Variants in ST7 observed in about 807,000 individuals in gnomAD.
ST7 encodes suppression of tumorigenicity 7.
In ST7, 28 loss-of-function variants were observed where a neutral mutation model predicts 78.7. The observed-to-expected ratio is 0.36, with a 90% CI of 0.26 to 0.49. The LOEUF (loss-of-function observed/expected upper bound fraction) is 0.49. Ranked by LOEUF, ST7 falls within the 20% of genes least tolerant of loss-of-function variation. The probability of loss-of-function intolerance (pLI) is 0.99; values close to 1 mark genes in which losing one functional copy is unlikely to be tolerated. For synonymous variants in ST7, 247 were observed against 249.6 expected, an observed-to-expected ratio of 0.99 and a Z score of 0.10; for missense variants, 418 against 696.0, an observed-to-expected ratio of 0.60 and a Z score of 4.49.
intron 1 of ST7, among the ~76,000 whole-genome samples, chr7:117,057,698 T>C (rs1406184534): frequency 6.6e-6 from 1 of 152,158 alleles, no homozygotes; most frequent in Non-Finnish European, 1.5e-5. Context: ...GAAACTTCTT[T>C]ATTGGGACTT....
At chr7:116,997,993 C>T (rs546348055) in intron 1 of ST7, among the ~76,000 whole-genome samples, 2 of 152,328 alleles carry the variant, frequency 1.3e-5, no homozygotes, top group East Asian at 1.9e-4. Flanking sequence ...TGCCGTGTGC[C>T]CTCGCTCCTC....
rs897617203 is a variant in ST7, at chr7:117,115,416, G to T, written c.235-4145G>T. 6.2e-5 allele frequency among the ~76,000 whole-genome samples: 9 copies of T among 144,116 alleles called. No individual in the cohort carries two copies. The Admixed American group carries it at 6.5e-4, about 10-fold the overall frequency. The allele number at this position is 144,116 out of a possible 152,430, so 94.5% of individuals were successfully genotyped here. A position where few individuals can be genotyped will look rare whatever the true frequency, so the allele number is the denominator to read the frequency against. ...GTCACCCAGGCTGGAGTACAGTCCCGCGATCTCAGCTCATTGCAACTTCCG... is the reference window on the plus strand; with the variant it reads ...GTCACCCAGGCTGGAGTACAGTCCCTCGATCTCAGCTCATTGCAACTTCCG... On this transcript the variant is annotated intron_variant, in intron 2 of 15. Transcript: ENST00000323984.
intron 5 of ST7, 54 bp from the exon 6 acceptor site, chr7:117,131,831 T>G (rs1247820458): frequency 6.8e-7 from 1 of 1,464,014 alleles, no homozygotes; most frequent in East Asian, 2.3e-5. Flanking sequence ...CTCTACTGAG[T>G]CTACCTAATT....
Position 117,229,887 on chromosome 7 carries a change from C to T in ST7, c.*30C>T, listed in dbSNP as rs1227880309. The stretch of plus-strand genomic sequence containing the variant: ...AGCCCTGTCCTCCACTCACCTCACC[C>T]GCCGCTGCCACCATCTCCTCTGTGC... On this transcript the variant is annotated 3_prime_UTR_variant, in exon 16 of 16. Coordinates refer to ENST00000323984, the MANE Select transcript of ST7 (RefSeq NM_001369598.1). 15 of 1,575,870 alleles carry T rather than the reference C, an allele frequency of 9.5e-6. No individual in the cohort carries two copies. The highest frequency in any genetic ancestry group is 2.2e-5 in the East Asian group (1 of 44,742).
intron 9 of ST7, among the ~76,000 whole-genome samples, chr7:117,160,057 C>T (rs774062617): frequency 4.6e-5 from 7 of 151,120 alleles, no homozygotes; most frequent in Non-Finnish European, 8.9e-5. Context: ...AAAAATTAGC[C>T]GGGTGTGTGG....
chr7:117,179,717 G>T (rs1584527302), intron 10 of ST7, among the ~76,000 whole-genome samples: 1 of 151,826 alleles, frequency 6.6e-6, no homozygotes, highest in Non-Finnish European at 1.5e-5. Context: ...GGGGTAGGGG[G>T]ACTGGATTAA....
rs146060945 is a variant in ST7 at position 117,064,637 on chromosome 7, C to G, written c.152-35125C>G. 9.7e-4 allele frequency among the ~76,000 whole-genome samples: 147 copies of G among 152,322 alleles called. 1 individual carries two copies. Among genetic ancestry groups the G allele is most frequent in the Middle Eastern group, 3.4e-3 (1 of 294 alleles). On this transcript the variant is annotated intron_variant, in intron 1 of 15. Coordinates refer to ENST00000323984, the MANE Select transcript of ST7 (RefSeq NM_001369598.1). ...AACTTTGCCAAACTATCTCCTAAAA[C>G]CAATTCTCTTATTTGTTGCTTCATA...
At chr7:117,159,959 T>C (rs1050016915) in intron 9 of ST7, among the ~76,000 whole-genome samples, 1 of 152,048 alleles carries the variant, frequency 6.6e-6, no homozygotes, top group African/African-American at 2.4e-5. Flanking sequence ...CCCAGCACTT[T>C]GGGAGACTGA....
intron 1 of ST7, among the ~76,000 whole-genome samples, chr7:116,981,230 C>T (rs1487161125): frequency 6.6e-6 from 1 of 152,080 alleles, no homozygotes; most frequent in African/African-American, 2.4e-5. Flanking sequence ...CCCTCAGCTT[C>T]CCAAGTAGCT....
rs563694413 is a variant in ST7 at position 117,067,041 on chromosome 7, G to C, written c.152-32721G>C. 2.1e-4 allele frequency among the ~76,000 whole-genome samples: 32 copies of C among 152,172 alleles called. No individual in the cohort carries two copies. In the East Asian group the frequency reaches 5.2e-3, roughly 25 times the overall value. ...AATGGCTTCTTTCATTTAGCCTAAT[G>C]TTTTCAAGGTCCATCCATTTTGTAA... is the stretch of plus-strand genomic sequence containing the variant. On this transcript the variant is annotated intron_variant, in intron 1 of 15. Transcript: ENST00000323984.
intron 9 of ST7, among the ~76,000 whole-genome samples, chr7:117,140,871 C>A (rs113557363): frequency 1.3e-5 from 2 of 152,154 alleles, no homozygotes; most frequent in Admixed American, 1.3e-4. Flanking sequence ...ATTCAAAGTG[C>A]TCCTTCCTTC....
chr7:116,989,263 A>G (rs1324202038), intron 1 of ST7, among the ~76,000 whole-genome samples: 3 of 152,206 alleles, frequency 2.0e-5, no homozygotes, highest in Non-Finnish European at 4.4e-5. Context: ...CCACATTTCA[A>G]GTGCTCAGTA....
chr7:117,056,047 C>G (rs1209179607), intron 1 of ST7, among the ~76,000 whole-genome samples: 1 of 152,022 alleles, frequency 6.6e-6, no homozygotes, highest in Non-Finnish European at 1.5e-5. Flanking sequence ...TGTCTTTTCA[C>G]GTTTTTCTGC....
rs545740393 is a variant in ST7 at position 116,961,724 on chromosome 7, T to A, written c.151+8033T>A. Among the ~76,000 whole-genome samples, 4 of 152,134 alleles carry A rather than the reference T, an allele frequency of 2.6e-5. No individual in the cohort carries two copies. In the East Asian group the frequency reaches 7.7e-4, roughly 29 times the overall value. ...CTGAGACTTTGCTAAAGTTGTTTAT[T>A]AGCTTAAGGAGCTTTTGGGCTGAGA... On this transcript the variant is annotated intron_variant, in intron 1 of 15. Transcript: ENST00000323984.
chr7:117,001,225 G>A (rs1377191992), intron 1 of ST7, among the ~76,000 whole-genome samples: 3 of 152,184 alleles, frequency 2.0e-5, no homozygotes, highest in Admixed American at 2.0e-4. Context: ...CACCTAAGTA[G>A]TATTCGCCTG....
intron 1 of ST7, chr7:116,955,105 C>G (rs568667089): frequency 2.1e-6 from 1 of 471,076 alleles, no homozygotes; most frequent in South Asian, 1.5e-5. Context: ...CGCTTTTCAT[C>G]TTTTTGGATG....
intron 1 of ST7, among the ~76,000 whole-genome samples, chr7:117,060,105 G>T (rs1798273592): frequency 6.6e-6 from 1 of 152,092 alleles, no homozygotes; most frequent in Admixed American, 6.5e-5. Context: ...TTTTGTTCTG[G>T]ATTTTACAGG....
At chr7:117,198,832 C>T (rs1202939485) in intron 12 of ST7, among the ~76,000 whole-genome samples, 1 of 151,920 alleles carries the variant, frequency 6.6e-6, no homozygotes, top group Non-Finnish European at 1.5e-5. Context: ...CCAGGTGTCC[C>T]CACTATTATG....
At chr7:116,963,064 C>G (rs573205394) in intron 1 of ST7, among the ~76,000 whole-genome samples, 1 of 152,290 alleles carries the variant, frequency 6.6e-6, no homozygotes, top group South Asian at 2.1e-4. Flanking sequence ...AGGCTATATT[C>G]TATATTCTAT....
Sources: allele counts gnomAD v4.1 joint callset (sites outside exome capture counted in the v4.1 genomes callset), GRCh38; gene constraint gnomAD v4.1.1; transcripts MANE v1.5; gene names NCBI Gene and HGNC (gene_info 2026-07-23, HGNC 2026-07-21).